The following PCGF6 variants were observed in gnomAD, a reference collection of about 807,000 sequenced individuals.
PCGF6 encodes polycomb group ring finger 6.
A neutral mutation model predicts 45.5 loss-of-function variants in PCGF6; 24 were observed. That is an observed-to-expected ratio of 0.53 (90% confidence interval 0.38 to 0.74). The LOEUF (loss-of-function observed/expected upper bound fraction) is 0.74, where lower values mean the gene tolerates loss of function less well. Among genes scored for constraint, PCGF6 ranks in the 30% least tolerant of loss-of-function variants. PCGF6 has a pLI of 0.00. For missense variants in PCGF6, 356 were observed against 443.2 expected (o/e 0.80, Z 1.77); for synonymous variants, 152 against 162.1 (o/e 0.94, Z 0.47).
intron 8 of PCGF6, among the ~76,000 whole-genome samples, chr10:103,315,331 G>T (rs2093170926): frequency 6.6e-6 from 1 of 152,008 alleles, no homozygotes; most frequent in Non-Finnish European, 1.5e-5. Flanking sequence ...GACTAGAGGT[G>T]TGCACCACCA....
chr10:103,347,121 T>A, intron 5 of PCGF6, 117 bp downstream of exon 5: 1 of 757,986 alleles, frequency 1.3e-6, no homozygotes, highest in Non-Finnish European at 2.2e-6. Context: ...CAGCATTACC[T>A]TCAAAATCTC....
At chr10:103,320,200 A>T (rs1344615657) in intron 8 of PCGF6, among the ~76,000 whole-genome samples, 1 of 152,198 alleles carries the variant, frequency 6.6e-6, no homozygotes, top group Non-Finnish European at 1.5e-5. Flanking sequence ...TGTGAGGTGT[A>T]TGTTCTAAAT....
At chr10:103,331,562 T>G (rs1482768291) in intron 7 of PCGF6, among the ~76,000 whole-genome samples, 1 of 152,140 alleles carries the variant, frequency 6.6e-6, no homozygotes, top group African/African-American at 2.4e-5. Flanking sequence ...CCAGCCCAAT[T>G]TGAGATTATT....
intron 1 of PCGF6, 69 bp from the exon 2 acceptor site, chr10:103,349,068 A>G: frequency 4.8e-6 from 6 of 1,239,364 alleles, no homozygotes; most frequent in Non-Finnish European, 6.9e-6. Flanking sequence ...TTTTTTTTTG[A>G]GACAGAGTCT....
intron 9 of PCGF6, among the ~76,000 whole-genome samples, chr10:103,311,527 C>A (rs1480572295): frequency 6.7e-6 from 1 of 150,344 alleles, no homozygotes; most frequent in African/African-American, 2.4e-5. Context: ...ATTGCAGCTG[C>A]GACCTCCCGG....
chr10:103,302,821 T>A lies in PCGF6; in HGVS notation c.*1084A>T, dbSNP rs1286269290. The A allele has an allele frequency of 1.3e-5, 2 of 152,162 alleles. No homozygotes were observed. Among genetic ancestry groups the A allele is most frequent in the African/African-American group, 2.4e-5 (1 of 41,434 alleles). The allele number at this position is 152,162 out of a possible 1,614,324, so 9.4% of individuals were successfully genotyped here. On this transcript the variant is annotated 3_prime_UTR_variant, in exon 10 of 10. Transcript: ENST00000369847. ...TAGGTTAAAATACATTTTTATTAAA[T>A]GTTAGAATAAATTTATACACAATTC...
At position 103,347,309 on chromosome 10, in the gene PCGF6, T is replaced by C; in HGVS notation, c.614-12A>G. ...TTGCTTTTTTTCTCCTAAAAAATGA[T>C]AAAACACAGACTAAATTACACTTAA... On this transcript the variant is annotated splice_polypyrimidine_tract_variant and intron_variant, in intron 4 of 9. Coordinates refer to ENST00000369847, the MANE Select transcript of PCGF6 (RefSeq NM_001011663.2). 1 of 1,600,374 alleles carries C rather than the reference T, an allele frequency of 6.2e-7. No homozygotes were observed. The highest frequency in any genetic ancestry group is 8.6e-7 in the Non-Finnish European group (1 of 1,167,700).
intron 8 of PCGF6, among the ~76,000 whole-genome samples, chr10:103,316,856 G>A (rs1427878152): frequency 6.6e-6 from 1 of 152,036 alleles, no homozygotes; most frequent in Non-Finnish European, 1.5e-5. Context: ...GATAGAACCC[G>A]GGTTGGCATA....
intron 1 of PCGF6, 73 bp downstream of exon 1, chr10:103,350,634 C>T (rs911451759): frequency 7.4e-7 from 1 of 1,343,380 alleles, no homozygotes; most frequent in South Asian, 1.8e-5. Context: ...CGGGCCGGCG[C>T]CCGGCAGACG....
chr10:103,332,543 TG>T (rs2093243830), intron 7 of PCGF6, among the ~76,000 whole-genome samples: 1 of 151,986 alleles, frequency 6.6e-6, no homozygotes, highest in Non-Finnish European at 1.5e-5. Context: ...CCCAAAGTAC[TG>T]GGATTACAGA....
chr10:103,314,277 G>A lies in PCGF6; in HGVS notation c.910-5C>T, dbSNP rs754921073. The A allele has an allele frequency of 3.9e-6, 6 of 1,538,476 alleles. No individual in the cohort carries two copies. The African/African-American group carries it at 6.9e-5, about 18-fold the overall frequency. ...ATCACCACAGATTATATCTACCTAT[G>A]GACATGAAGAGAGTATTAGATTGAT... On this transcript the variant is annotated splice_polypyrimidine_tract_variant and splice_region_variant and intron_variant, in intron 8 of 9. Transcript: ENST00000369847.
intron 6 of PCGF6, among the ~76,000 whole-genome samples, chr10:103,336,361 G>A (rs774083266): frequency 1.3e-5 from 2 of 151,460 alleles, no homozygotes; most frequent in Middle Eastern, 3.2e-3. Context: ...ATATATAAAT[G>A]TAAACTGTAA....
chr10:103,315,494 G>C (rs1592057726), intron 8 of PCGF6, among the ~76,000 whole-genome samples: 1 of 152,254 alleles, frequency 6.6e-6, no homozygotes, highest in East Asian at 1.9e-4. Context: ...CGAATAGCTG[G>C]AACTACAGGC....
chr10:103,332,153 C>T (rs2093242399), intron 7 of PCGF6, among the ~76,000 whole-genome samples: 1 of 152,152 alleles, frequency 6.6e-6, no homozygotes, highest in Non-Finnish European at 1.5e-5. Flanking sequence ...GAAGCATAGT[C>T]ACCTTCCTAT....
At chr10:103,336,029 G>A (rs1453350356) in intron 6 of PCGF6, among the ~76,000 whole-genome samples, 1 of 151,842 alleles carries the variant, frequency 6.6e-6, no homozygotes, top group Non-Finnish European at 1.5e-5. Context: ...CACTTTGGGA[G>A]GCAAGGTGGG....
rs184206254 is a variant in PCGF6 at position 103,329,150 on chromosome 10, C to T, written c.811-2518G>A. On this transcript the variant is annotated intron_variant, in intron 7 of 9. Transcript: ENST00000369847. ...TGCCTCTTGGATTCAAGTGATTCTC[C>T]TATCTCAGCCTCCCAAGTAGCTGGG... Among the ~76,000 whole-genome samples the T allele has an allele frequency of 3.1e-3, 467 of 151,746 alleles. 1 individual carries two copies. The highest frequency in any genetic ancestry group is 7.9e-3 in the South Asian group (38 of 4,798).
rs2093273114 is a variant in PCGF6, at chr10:103,339,813, ACACACACACACAC to A, written c.782+5198_782+5210del. 1.7e-3 allele frequency among the ~76,000 whole-genome samples: 28 copies of A among 16,936 alleles called. 1 individual carries two copies. Among genetic ancestry groups the A allele is most frequent in the African/African-American group, 2.6e-3 (12 of 4,560 alleles). 11.1% of individuals were successfully genotyped at this position (16,936 alleles called of 152,430 possible). A position where few individuals can be genotyped will look rare whatever the true frequency, so the allele number is the denominator to read the frequency against. Reference sequence around the variant, plus strand: ...ATTCTGTCTGTCTCAAAAAAAAAACACACACACACACACACACACACACACACACACACACACA... The same window carrying A: ...ATTCTGTCTGTCTCAAAAAAAAAACAACACACACACACACACACACACACA... On this transcript the variant is annotated intron_variant, in intron 6 of 9. Coordinates refer to ENST00000369847, the MANE Select transcript of PCGF6 (RefSeq NM_001011663.2).
chr10:103,328,986 C>A (rs1404976561), intron 7 of PCGF6, among the ~76,000 whole-genome samples: 1 of 151,586 alleles, frequency 6.6e-6, no homozygotes, highest in African/African-American at 2.4e-5. Context: ...ACCTCATGAT[C>A]TACCGGCCTC....
Position 103,349,014 on chromosome 10 carries a change from A to G in PCGF6, c.361-15T>C, listed in dbSNP as rs748221575. ...TTAATCAGGCGCTGCAAATAAACGG[A>G]AACAGTTTTAAAATACAAGTCCTTG... is the stretch of plus-strand genomic sequence containing the variant. On this transcript the variant is annotated splice_polypyrimidine_tract_variant and intron_variant, in intron 1 of 9. Transcript: ENST00000369847. 1 of 1,589,044 alleles carries G rather than the reference A, an allele frequency of 6.3e-7. No individual in the cohort carries two copies. The highest frequency in any genetic ancestry group is 1.8e-5 in the Admixed American group (1 of 56,532).
Sources: allele counts gnomAD v4.1 joint callset (sites outside exome capture counted in the v4.1 genomes callset), GRCh38; gene constraint gnomAD v4.1.1; transcripts MANE v1.5; gene names NCBI Gene and HGNC (gene_info 2026-07-23, HGNC 2026-07-21).